Variants in COBL observed in about 807,000 individuals in gnomAD.
COBL encodes cordon-bleu WH2 repeat protein.
COBL carries 51 observed loss-of-function variants against 98.8 expected under a neutral mutation model. The observed-to-expected ratio is 0.52, with a 90% confidence interval of 0.41 to 0.65. The LOEUF (loss-of-function observed/expected upper bound fraction) is 0.65, where lower values mean the gene tolerates loss of function less well. COBL is among the 30% of genes least tolerant of loss of function. The pLI is 0.00. For synonymous variants in COBL, 634 were observed against 651.7 expected (o/e 0.97, Z 0.41); for missense variants, 1,617 against 1,617.5 (o/e 1.00, Z 0.01).
intron 1 of COBL, among the ~76,000 whole-genome samples, chr7:51,272,266 G>A (rs1234928087): frequency 1.3e-5 from 2 of 152,058 alleles, no homozygotes; most frequent in African/African-American, 4.8e-5. Context: ...CCCACTCAAG[G>A]TATGATTTTT....
chr7:51,158,521 C>T (rs944359232), intron 5 of COBL, among the ~76,000 whole-genome samples: 1 of 152,098 alleles, frequency 6.6e-6, no homozygotes, highest in African/African-American at 2.4e-5. Context: ...GAAGAGGAAG[C>T]AAAGGTGGTG....
intron 2 of COBL, among the ~76,000 whole-genome samples, chr7:51,218,768 C>T (rs115302636): frequency 0.017 from 2,656 of 152,292 alleles, 80 homozygotes; most frequent in African/African-American, 0.061. Context: ...CCGTGCCCAG[C>T]CCATTTTATA....
At chr7:51,295,600 G>A (rs540843715) in intron 1 of COBL, among the ~76,000 whole-genome samples, 2 of 152,050 alleles carry the variant, frequency 1.3e-5, no homozygotes, top group South Asian at 2.1e-4. Flanking sequence ...AAGCAAACAC[G>A]ACATCCTGGA....
chr7:51,088,024 G>T (rs565081990), intron 6 of COBL, among the ~76,000 whole-genome samples: 1 of 151,454 alleles, frequency 6.6e-6, no homozygotes, highest in African/African-American at 2.4e-5. Context: ...TGAGACACCC[G>T]GATCCAGAGT....
At chr7:51,035,992 G>C (rs1788598525) in intron 8 of COBL, 1 of 152,170 alleles carries the variant, frequency 6.6e-6, no homozygotes, top group Admixed American at 6.5e-5. Context: ...AAGGGGGATT[G>C]GTTCCAGGAT....
intron 6 of COBL, among the ~76,000 whole-genome samples, chr7:51,102,118 T>C (rs772568355): frequency 6.6e-6 from 1 of 152,218 alleles, no homozygotes; most frequent in Non-Finnish European, 1.5e-5. Flanking sequence ...TCGTGGACTT[T>C]CTAGCCTCCA....
chr7:51,188,578 C>T (rs1279508401), intron 4 of COBL, among the ~76,000 whole-genome samples: 1 of 152,140 alleles, frequency 6.6e-6, no homozygotes, highest in Non-Finnish European at 1.5e-5. Flanking sequence ...TGGGGAAGCT[C>T]GTGGTGCCTT....
rs1786365683 is a variant in COBL at position 51,017,288 on chromosome 7, C to A, written c.*263G>T. 1 of 589,054 alleles carries A rather than the reference C, an allele frequency of 1.7e-6. No homozygotes were observed. Among genetic ancestry groups the A allele is most frequent in the African/African-American group, 1.9e-5 (1 of 53,694 alleles). 36.5% of individuals were successfully genotyped at this position (589,054 alleles called of 1,614,324 possible). A position where few individuals can be genotyped will look rare whatever the true frequency, so the allele number is the denominator to read the frequency against. On this transcript the variant is annotated 3_prime_UTR_variant, in exon 13 of 13. Transcript: ENST00000265136. ...CAGCATTTATAGTCCCATTAACCTG[C>A]CAACAAGAATCGTTTATTAGCAACT...
intron 7 of COBL, among the ~76,000 whole-genome samples, chr7:51,047,083 G>A (rs1789780980): frequency 6.6e-6 from 1 of 152,108 alleles, no homozygotes; most frequent in African/African-American, 2.4e-5. Context: ...TCCCTGAGAG[G>A]GTAAGTCATT....
chr7:51,024,548 G>A (rs1046440697), intron 12 of COBL, among the ~76,000 whole-genome samples: 1 of 152,128 alleles, frequency 6.6e-6, no homozygotes, highest in Non-Finnish European at 1.5e-5. Flanking sequence ...ACCAGCACAA[G>A]ACCAAAATGG....
chr7:51,123,421 G>T (rs190540433), intron 6 of COBL, among the ~76,000 whole-genome samples: 1 of 152,122 alleles, frequency 6.6e-6, no homozygotes, highest in Non-Finnish European at 1.5e-5. Context: ...ATCCCTTGTC[G>T]CTAACTTGCC....
intron 2 of COBL, among the ~76,000 whole-genome samples, chr7:51,193,958 ATTTAACT>A (rs1469351104): frequency 1.3e-5 from 2 of 152,176 alleles, no homozygotes; most frequent in Non-Finnish European, 2.9e-5. Flanking sequence ...TATCTTTTTG[ATTTAACT>A]TTTAAGTTCA....
At chr7:51,051,047 CTT>C (rs995714535) in intron 7 of COBL, among the ~76,000 whole-genome samples, 3 of 152,150 alleles carry the variant, frequency 2.0e-5, no homozygotes, top group Admixed American at 2.0e-4. Context: ...GGATTATACA[CTT>C]GAGTATAATC....
At chr7:51,275,463 G>T (rs758609513) in intron 1 of COBL, among the ~76,000 whole-genome samples, 5 of 152,140 alleles carry the variant, frequency 3.3e-5, no homozygotes, top group Non-Finnish European at 7.3e-5. Flanking sequence ...GTCTGACAGG[G>T]CCTGGCTGTT....
chr7:51,260,967 A>G (rs1221891687), intron 1 of COBL, among the ~76,000 whole-genome samples: 1 of 152,100 alleles, frequency 6.6e-6, no homozygotes, highest in Non-Finnish European at 1.5e-5. Flanking sequence ...CATCTCATGA[A>G]CTTTATAAAC....
At chr7:51,032,067 G>A (rs754498364) in intron 8 of COBL, 3 of 152,244 alleles carry the variant, frequency 2.0e-5, no homozygotes, top group Non-Finnish European at 4.4e-5. Context: ...AGGTAGTGTT[G>A]TTGTCACTGT....
chr7:51,151,286 C>G (rs1785531262), intron 5 of COBL, among the ~76,000 whole-genome samples: 1 of 152,222 alleles, frequency 6.6e-6, no homozygotes, highest in African/African-American at 2.4e-5. Context: ...TATGTCAGCT[C>G]AGCAGCTATC....
At chr7:51,236,028 C>T (rs925791866) in intron 1 of COBL, among the ~76,000 whole-genome samples, 2 of 152,108 alleles carry the variant, frequency 1.3e-5, no homozygotes, top group African/African-American at 4.8e-5. Context: ...CAAAAAAAAC[C>T]CTTCCCCTTT....
At chr7:51,069,637 T>C (rs1182956792) in intron 7 of COBL, among the ~76,000 whole-genome samples, 3 of 152,240 alleles carry the variant, frequency 2.0e-5, no homozygotes. Flanking sequence ...AGAGAGGATG[T>C]GTGTGTGGGC....
Sources: allele counts gnomAD v4.1 joint callset (sites outside exome capture counted in the v4.1 genomes callset), GRCh38; gene constraint gnomAD v4.1.1; transcripts MANE v1.5; gene names NCBI Gene and HGNC (gene_info 2026-07-23, HGNC 2026-07-21).